CCDC30: variants seen among roughly 807,000 people sequenced by gnomAD.
CCDC30 encodes coiled-coil domain-containing protein 30.
A neutral mutation model predicts 100.2 loss-of-function variants in CCDC30; 70 were observed. The ratio of observed to expected loss-of-function variants is 0.70; its 90% CI spans 0.58 to 0.85. CCDC30 has a LOEUF of 0.85. CCDC30 is among the 40% of genes least tolerant of loss of function. The probability of loss-of-function intolerance (pLI) is 0.00; values close to 1 mark genes in which losing one functional copy is unlikely to be tolerated. For missense variants in CCDC30, 652 were observed against 771.2 expected (o/e 0.85, Z 1.83); for synonymous variants, 233 against 269.5 (o/e 0.86, Z 1.33).
At chr1:42,514,235 T>C (rs2148494922) in intron 6 of CCDC30, among the ~76,000 whole-genome samples, 1 of 152,338 alleles carries the variant, frequency 6.6e-6, no homozygotes, top group African/African-American at 2.4e-5. Context: ...TGGACATATG[T>C]TTTCATGTCT....
intron 11 of CCDC30, among the ~76,000 whole-genome samples, chr1:42,632,809 A>G (rs533500758): frequency 1.3e-5 from 2 of 151,926 alleles, no homozygotes; most frequent in Non-Finnish European, 2.9e-5. Flanking sequence ...TTGATTGGCA[A>G]TACAGTGTTC....
chr1:42,459,997 A>G (rs139273454), upstream of CCDC30: 722 of 1,502,232 alleles, frequency 4.8e-4, 13 homozygotes, highest in East Asian at 0.016. Flanking sequence ...AAAAAAAACC[A>G]TGGCTTTCAT....
chr1:42,619,050 G>T (rs1646780624), intron 11 of CCDC30, among the ~76,000 whole-genome samples: 1 of 151,914 alleles, frequency 6.6e-6, no homozygotes, highest in African/African-American at 2.4e-5. Flanking sequence ...GTAAACCAGT[G>T]CCCAGCAAAA....
chr1:42,571,495 A>C (rs1440366992), intron 7 of CCDC30: 1 of 152,202 alleles, frequency 6.6e-6, no homozygotes, highest in Non-Finnish European at 1.5e-5. Flanking sequence ...AAAATGAAAA[A>C]AAAAAATGAA....
At chr1:42,499,780 C>T (rs200315142) in intron 6 of CCDC30, among the ~76,000 whole-genome samples, 1 of 147,748 alleles carries the variant, frequency 6.8e-6, no homozygotes, top group African/African-American at 2.5e-5. Context: ...GGCTTGTATT[C>T]TTTTTTTTTT....
intron 6 of CCDC30, among the ~76,000 whole-genome samples, chr1:42,553,652 T>TACACACACACACAC (rs60429759): frequency 6.9e-4 from 93 of 133,830 alleles, no homozygotes; most frequent in Middle Eastern, 3.8e-3. Context: ...TGAGATTCCA[T>TACACACACACACAC]ACACACACAC....
chr1:42,477,126 C>T (rs61777373), intron 1 of CCDC30, among the ~76,000 whole-genome samples: 34,623 of 151,580 alleles, frequency 0.23, 4,959 homozygotes, highest in Non-Finnish European at 0.31. Context: ...AAATTTCTTC[C>T]GGCATTTCTG....
At chr1:42,456,953 G>A in the CCDC30 span, 1 of 1,605,232 alleles carries the variant, frequency 6.2e-7, no homozygotes, top group South Asian at 1.1e-5. Flanking sequence ...GGGTTTTGCT[G>A]AGGCTCTGAG....
chr1:42,493,419 G>C (rs12405545), intron 4 of CCDC30, among the ~76,000 whole-genome samples: 60,609 of 151,698 alleles, frequency 0.4, 12,668 homozygotes, highest in East Asian at 0.59. Context: ...GAAACCCCGT[G>C]TCTACTAAAA....
intron 6 of CCDC30, among the ~76,000 whole-genome samples, chr1:42,535,789 G>T (rs1028386675): frequency 7.0e-5 from 7 of 100,440 alleles, no homozygotes; most frequent in African/African-American, 2.0e-4. Flanking sequence ...GCTCATCAAA[G>T]AAATTGGCTC....
At chr1:42,523,689 T>A (rs1417533172) in intron 6 of CCDC30, among the ~76,000 whole-genome samples, 1 of 152,196 alleles carries the variant, frequency 6.6e-6, no homozygotes, top group East Asian at 1.9e-4. Context: ...CTGCCCTCTC[T>A]TTCTTCTGGG....
At chr1:42,552,735 T>C (rs888846769) in intron 6 of CCDC30, among the ~76,000 whole-genome samples, 1 of 152,142 alleles carries the variant, frequency 6.6e-6, no homozygotes, top group Non-Finnish European at 1.5e-5. Context: ...GAGTGACTTG[T>C]GACTTCTCTC....
intron 4 of CCDC30, among the ~76,000 whole-genome samples, chr1:42,494,167 A>G (rs1326792513): frequency 2.6e-5 from 4 of 152,238 alleles, no homozygotes; most frequent in South Asian, 2.1e-4. Flanking sequence ...ATATAGATCA[A>G]TGGAACAGAA....
chr1:42,608,388 T>C (rs1646546987), intron 10 of CCDC30, among the ~76,000 whole-genome samples: 2 of 152,154 alleles, frequency 1.3e-5, no homozygotes, highest in South Asian at 2.1e-4. Flanking sequence ...GCCATCATTG[T>C]TATAGAAAAA....
chr1:42,542,509 G>A (rs1645030893), intron 6 of CCDC30, among the ~76,000 whole-genome samples: 1 of 150,490 alleles, frequency 6.6e-6, no homozygotes, highest in Non-Finnish European at 1.5e-5. Flanking sequence ...ACAGGCACAT[G>A]GCACCACACC....
At chr1:42,457,483 G>A in the CCDC30 span, 1 of 742,308 alleles carries the variant, frequency 1.3e-6, no homozygotes, top group Non-Finnish European at 2.3e-6. Context: ...ATAAGACACC[G>A]CCCTCCCTCA....
intron 11 of CCDC30, among the ~76,000 whole-genome samples, chr1:42,632,167 AGGGCTCT>A: frequency 6.6e-6 from 1 of 152,128 alleles, no homozygotes; most frequent in Non-Finnish European, 1.5e-5. Context: ...TCAGGGTCCA[AGGGCTCT>A]TCAGTTAGCA....
At chr1:42,608,564 G>A (rs568444356) in intron 10 of CCDC30, among the ~76,000 whole-genome samples, 10 of 152,012 alleles carry the variant, frequency 6.6e-5, no homozygotes, top group Non-Finnish European at 8.8e-5. Flanking sequence ...TTAGCCGGAC[G>A]TGGCGGTGGG....
rs116078175 is a variant in CCDC30, at chr1:42,538,627, T to A, written c.457-27669T>A. 8.6e-4 allele frequency among the ~76,000 whole-genome samples: 131 copies of A among 152,184 alleles called. 1 individual carries two copies. Among genetic ancestry groups the A allele is most frequent in the African/African-American group, 2.7e-3 (114 of 41,536 alleles). ...TCAATATAAATAAATAAATTTTTTTTAAAAAACCACAGAGTTTAAAGTCAG... is the reference window on the plus strand; with the variant it reads ...TCAATATAAATAAATAAATTTTTTTAAAAAAACCACAGAGTTTAAAGTCAG... On this transcript the variant is annotated intron_variant, in intron 6 of 16. Coordinates refer to ENST00000668663, the Ensembl canonical transcript of CCDC30.
Sources: gnomAD v4.1 joint callset for allele counts (sites outside exome capture counted in the v4.1 genomes callset) on GRCh38, gnomAD v4.1.1 for gene constraint, MANE v1.5 for transcripts, NCBI Gene and HGNC (gene_info 2026-07-23, HGNC 2026-07-21) for gene names.